The following ZNF678 variants were observed in gnomAD, a reference collection of about 807,000 sequenced individuals.
ZNF678 encodes zinc finger protein 678.
ZNF678 carries 5 observed loss-of-function variants against 3.0 expected under a neutral mutation model. The ratio of observed to expected loss-of-function variants is 1.69; its 90% CI spans 0.88 to 3.56. ZNF678 has a LOEUF of 3.56. Ranked by LOEUF, ZNF678 falls within the 30% of genes most tolerant of loss-of-function variation. ZNF678 has a pLI of 0.00. For missense variants in ZNF678, 593 were observed against 605.0 expected, an observed-to-expected ratio of 0.98 and a Z score of 0.21; for synonymous variants, 218 against 199.6, an observed-to-expected ratio of 1.09 and a Z score of -0.78.
intron 1 of ZNF678, among the ~76,000 whole-genome samples, chr1:227,595,784 C>G (rs1314356878): frequency 6.6e-6 from 1 of 152,174 alleles, no homozygotes. Flanking sequence ...CAAGTCAAGT[C>G]AAAAACAAAA....
chr1:227,664,970 G>C (rs1558162989), downstream of ZNF678, among the ~76,000 whole-genome samples: 1 of 152,176 alleles, frequency 6.6e-6, no homozygotes, highest in African/African-American at 2.4e-5. Context: ...AGCTGGATCA[G>C]AACTACTTTT....
At chr1:227,587,093 T>C (rs780762046) in intron 1 of ZNF678, among the ~76,000 whole-genome samples, 25 of 152,218 alleles carry the variant, frequency 1.6e-4, no homozygotes, top group Non-Finnish European at 3.1e-4. Context: ...GAAAGAGTTC[T>C]GCTCCTAGTT....
In ZNF678 at chr1:227,638,302, G is replaced by A. The variant is rs188152072; in HGVS notation, c.-163-8242G>A. Among the ~76,000 whole-genome samples, 4 of 152,298 alleles carry A rather than the reference G, an allele frequency of 2.6e-5. No homozygotes were observed. The East Asian group carries it at 7.7e-4, about 29-fold the overall frequency. ...TGCGGAAAGTGAAGTATATGGGTCA[G>A]GAACTACTAGACAGCTTGGTTAATG... On this transcript the variant is annotated intron_variant, in intron 1 of 3. Coordinates refer to ENST00000343776, the MANE Select transcript of ZNF678 (RefSeq NM_001367909.1). The surrounding 1 kb of genome is among the most constrained non-coding windows in gnomAD (Gnocchi z 4.2).
intron 1 of ZNF678, among the ~76,000 whole-genome samples, chr1:227,597,624 T>A (rs1657627637): frequency 6.6e-6 from 1 of 152,196 alleles, no homozygotes; most frequent in African/African-American, 2.4e-5. Context: ...TGGAGGTAAA[T>A]CCCAGAGCTT....
chr1:227,583,845 T>C (rs1374491089), intron 1 of ZNF678, among the ~76,000 whole-genome samples: 3 of 152,170 alleles, frequency 2.0e-5, no homozygotes, highest in African/African-American at 4.8e-5. Context: ...AGGCATGCAT[T>C]GGGCACATGA....
intron 5 of ZNF678, among the ~76,000 whole-genome samples, chr1:227,671,570 G>T (rs950048848): frequency 2.6e-4 from 40 of 152,246 alleles, no homozygotes; most frequent in African/African-American, 8.4e-4. Context: ...CACTTGCAGG[G>T]TGATGTTCCC....
At chr1:227,620,543 T>A (rs1441140039) in intron 1 of ZNF678, among the ~76,000 whole-genome samples, 1 of 152,198 alleles carries the variant, frequency 6.6e-6, no homozygotes, top group African/African-American at 2.4e-5. Flanking sequence ...CAAAATATAC[T>A]TGTAAAGTTT....
In ZNF678 at chr1:227,658,725, G is replaced by C. The variant is rs1378532817; in HGVS notation, c.*2897G>C. The C allele has an allele frequency of 6.6e-6, 1 of 152,012 alleles. No individual in the cohort carries two copies. Among genetic ancestry groups the C allele is most frequent in the Non-Finnish European group, 1.5e-5 (1 of 67,974 alleles). The allele number at this position is 152,012 out of a possible 1,614,324, so 9.4% of individuals were successfully genotyped here. ...CTGGAGAGTTTGAGGACATTTTTAA[G>C]TTAGAAATGCACCATTTGAATCATT... On this transcript the variant is annotated 3_prime_UTR_variant, in exon 4 of 4. Transcript: ENST00000343776.
intron 1 of ZNF678, among the ~76,000 whole-genome samples, chr1:227,633,521 G>T (rs1048191730): frequency 6.6e-6 from 1 of 152,206 alleles, no homozygotes; most frequent in African/African-American, 2.4e-5. Flanking sequence ...CTTAGGAATT[G>T]TTAGTCGGCC....
chr1:227,576,314 A>G (rs901743745), intron 1 of ZNF678, among the ~76,000 whole-genome samples: 5 of 152,196 alleles, frequency 3.3e-5, no homozygotes, highest in African/African-American at 4.8e-5. Flanking sequence ...GAAGAGTTTC[A>G]GCAGGAATGG....
chr1:227,670,924 CCTT>C (rs1259411613), intron 5 of ZNF678, among the ~76,000 whole-genome samples: 4 of 151,832 alleles, frequency 2.6e-5, no homozygotes, highest in Non-Finnish European at 5.9e-5. Context: ...CACCAGGAAT[CCTT>C]CTCATTCCCA....
chr1:227,669,439 A>C (rs919706282), intron 5 of ZNF678, among the ~76,000 whole-genome samples: 10 of 152,170 alleles, frequency 6.6e-5, no homozygotes, highest in African/African-American at 2.4e-4. Flanking sequence ...GATCAAGACC[A>C]TCCTGGCTAA....
At chr1:227,569,759 T>G (rs547592395) in intron 1 of ZNF678, among the ~76,000 whole-genome samples, 1 of 152,336 alleles carries the variant, frequency 6.6e-6, no homozygotes, top group African/African-American at 2.4e-5. Flanking sequence ...TTTTCTTCTT[T>G]TCAATTTTGA....
intron 1 of ZNF678, among the ~76,000 whole-genome samples, chr1:227,640,329 G>T (rs925669728): frequency 6.6e-6 from 1 of 152,044 alleles, no homozygotes. Flanking sequence ...TGGCTGAGAA[G>T]ACAACAAGGA....
intron 1 of ZNF678, among the ~76,000 whole-genome samples, chr1:227,620,265 C>A (rs914800122): frequency 6.6e-6 from 1 of 152,140 alleles, no homozygotes; most frequent in Non-Finnish European, 1.5e-5. Flanking sequence ...GCTGGTTACC[C>A]AAGTTGCTCC....
At chr1:227,675,706 C>G (rs1212615195) in intron 5 of ZNF678, among the ~76,000 whole-genome samples, 1 of 151,948 alleles carries the variant, frequency 6.6e-6, no homozygotes, top group Admixed American at 6.6e-5. Flanking sequence ...GGTACACACT[C>G]CATATCCTGG....
chr1:227,620,311 T>C (rs1328884320), intron 1 of ZNF678, among the ~76,000 whole-genome samples: 1 of 152,186 alleles, frequency 6.6e-6, no homozygotes, highest in Non-Finnish European at 1.5e-5. Flanking sequence ...TTTTCCTTTT[T>C]TGAGTTTTCA....
At chr1:227,570,401 A>T (rs1039763641) in intron 1 of ZNF678, among the ~76,000 whole-genome samples, 2 of 152,208 alleles carry the variant, frequency 1.3e-5, no homozygotes, top group Non-Finnish European at 2.9e-5. Flanking sequence ...TGTGATAGGG[A>T]TTTGAGTTAA....
intron 1 of ZNF678, among the ~76,000 whole-genome samples, chr1:227,615,603 A>G (rs1022312956): frequency 1.3e-5 from 2 of 151,714 alleles, no homozygotes; most frequent in African/African-American, 4.8e-5. Flanking sequence ...AACTCATTTT[A>G]CTTCCCCATG....
Sources: gnomAD v4.1 joint callset for allele counts (sites outside exome capture counted in the v4.1 genomes callset) on GRCh38, gnomAD v4.1.1 for gene constraint, Gnocchi (gnomAD v3.1) non-coding constraint, MANE v1.5 for transcripts, NCBI Gene and HGNC (gene_info 2026-07-23, HGNC 2026-07-21) for gene names.